CA8: variants seen among roughly 807,000 people sequenced by gnomAD.
The protein encoded by CA8 is carbonic anhydrase 8 (inactive).
Under a neutral mutation model 41.4 loss-of-function variants are expected in CA8, and 22 were observed. The ratio of observed to expected loss-of-function variants is 0.53; its 90% CI spans 0.38 to 0.76. CA8 has a LOEUF of 0.76. Ranked by LOEUF, CA8 falls within the 30% of genes least tolerant of loss-of-function variation. The probability of loss-of-function intolerance (pLI) is 0.00; values close to 1 mark genes in which losing one functional copy is unlikely to be tolerated. For missense variants in CA8, 270 were observed against 352.8 expected (o/e 0.77, Z 1.88); for synonymous variants, 121 against 130.6 (o/e 0.93, Z 0.50).
intron 3 of CA8, among the ~76,000 whole-genome samples, chr8:60,237,587 G>C (rs1807877553): frequency 2.0e-5 from 3 of 152,228 alleles, no homozygotes; most frequent in Admixed American, 2.0e-4. Flanking sequence ...AGGCCTTCAA[G>C]AGCCTGGACC....
At chr8:60,278,635 C>T (rs1452135208) in intron 2 of CA8, among the ~76,000 whole-genome samples, 3 of 152,114 alleles carry the variant, frequency 2.0e-5, no homozygotes, top group Non-Finnish European at 1.5e-5. Flanking sequence ...ATATAAAGCC[C>T]AGTAACTCTT....
chr8:60,268,921 T>C (rs897142761), intron 2 of CA8, among the ~76,000 whole-genome samples: 9 of 152,132 alleles, frequency 5.9e-5, no homozygotes, highest in African/African-American at 2.2e-4. Flanking sequence ...AGAAGGGAAG[T>C]GTTTTGCCCC....
rs1433786872 is a variant in CA8, at chr8:60,224,579, A to T, written c.583T>A (p.Ser195Thr). The T allele has an allele frequency of 1.3e-6, 2 of 1,565,986 alleles. No individual in the cohort carries two copies. The highest frequency in any genetic ancestry group is 1.8e-6 in the Non-Finnish European group (2 of 1,137,630). ...ILQDIQYKGKSKTIPCFNPNT... is the reference protein window; with the variant it reads ...ILQDIQYKGKTKTIPCFNPNT... ...GGATTAAAGCAAGGTATTGTTTTGG[A>T]CTTCCCCTGAAAAAGAAAAAAATAT... The change falls in exon 6 of 9, where the codon TCC (serine) becomes ACC (threonine). Residue 195 changes from serine to threonine, a missense_variant. Physicochemically the swap from Ser to Thr is moderately conservative, Grantham distance 58. This residue lies in a region of CA8 where 141 missense variants were observed against 191.6 expected (regional missense o/e 0.74). Coordinates refer to ENST00000317995, the MANE Select transcript of CA8 (RefSeq NM_004056.6).
At chr8:60,250,486 T>C (rs1808404604) in intron 3 of CA8, among the ~76,000 whole-genome samples, 1 of 152,172 alleles carries the variant, frequency 6.6e-6, no homozygotes, top group African/African-American at 2.4e-5. Context: ...CGGTAAGCTC[T>C]CCACATTCTT....
chr8:60,265,377 A>C (rs1374374386), intron 3 of CA8: 1 of 159,218 alleles, frequency 6.3e-6, no homozygotes, highest in East Asian at 1.9e-4. Flanking sequence ...CAGAAGACAT[A>C]AGATTTCAAC....
At position 60,187,346 on chromosome 8, in the gene CA8, A is replaced by G. The variant is rs1172162519; in HGVS notation, c.*2675T>C. ...TAAAGCAATGCTCAGAGGAAAATTTATAACTGTTAATGCCTTTATTCAAAA... is the reference window on the plus strand; with the variant it reads ...TAAAGCAATGCTCAGAGGAAAATTTGTAACTGTTAATGCCTTTATTCAAAA... On this transcript the variant is annotated 3_prime_UTR_variant, in exon 9 of 9. Transcript: ENST00000317995. 4 of 152,168 alleles carry G rather than the reference A, an allele frequency of 2.6e-5. No homozygotes were observed. The highest frequency in any genetic ancestry group is 2.9e-5 in the Non-Finnish European group (2 of 67,994). The allele number at this position is 152,168 out of a possible 1,614,324, so 9.4% of individuals were successfully genotyped here.
intron 7 of CA8, among the ~76,000 whole-genome samples, chr8:60,216,726 C>T (rs1807035336): frequency 6.6e-6 from 1 of 152,162 alleles, no homozygotes; most frequent in Non-Finnish European, 1.5e-5. Context: ...AATATTGTAT[C>T]ATATCTACAG....
intron 3 of CA8, among the ~76,000 whole-genome samples, chr8:60,258,114 A>T (rs539068035): frequency 6.6e-6 from 1 of 152,306 alleles, no homozygotes; most frequent in Non-Finnish European, 1.5e-5. Context: ...TCCACACTGT[A>T]CACGCTCCCT....
At position 60,243,005 on chromosome 8, in the gene CA8, G is replaced by A. The variant is rs187959849; in HGVS notation, c.418-10626C>T. 1.4e-4 allele frequency among the ~76,000 whole-genome samples: 22 copies of A among 152,272 alleles called. No individual in the cohort carries two copies. In the East Asian group the frequency reaches 3.9e-3, roughly 27 times the overall value. ...TAGAAAGCCAGATCACCGCCATAGA[G>A]CCCCAATGTCAAATGTCTCCAGAAG... On this transcript the variant is annotated intron_variant, in intron 3 of 8. Coordinates refer to ENST00000317995, the MANE Select transcript of CA8 (RefSeq NM_004056.6).
intron 2 of CA8, among the ~76,000 whole-genome samples, chr8:60,272,089 A>G (rs954993627): frequency 1.3e-5 from 2 of 152,174 alleles, no homozygotes; most frequent in Non-Finnish European, 2.9e-5. Context: ...ATTTGCCCAG[A>G]GCAGAGGTAG....
At chr8:60,270,409 C>T (rs117385777) in intron 2 of CA8, among the ~76,000 whole-genome samples, 194 of 152,274 alleles carry the variant, frequency 1.3e-3, no homozygotes, top group Non-Finnish European at 2.2e-3. Context: ...TACTTACCTA[C>T]TTATTTATTT....
At chr8:60,203,324 A>G (rs1806487047) in intron 8 of CA8, among the ~76,000 whole-genome samples, 1 of 152,204 alleles carries the variant, frequency 6.6e-6, no homozygotes, top group Non-Finnish European at 1.5e-5. Context: ...GTAAAATTTT[A>G]TTGAAAGAAA....
chr8:60,194,378 G>A (rs1439876875), intron 8 of CA8, among the ~76,000 whole-genome samples: 2 of 152,118 alleles, frequency 1.3e-5, no homozygotes, highest in Non-Finnish European at 2.9e-5. Context: ...GGATAAGCCC[G>A]TTGGTCCACT....
rs377344090 is a variant in CA8, at chr8:60,214,808, T to C, written c.739-5889A>G. On this transcript the variant is annotated intron_variant, in intron 7 of 8. Coordinates refer to ENST00000317995, the MANE Select transcript of CA8 (RefSeq NM_004056.6). ...GGAGGAAAGACAGAAGAAAAGAACA[T>C]TTAAAGCAGTTTTCAATATTCTAGA... Among the ~76,000 whole-genome samples the C allele has an allele frequency of 9.2e-5, 14 of 152,242 alleles. No individual in the cohort carries two copies. The East Asian group carries it at 1.3e-3, about 15-fold the overall frequency.
chr8:60,250,563 T>G (rs1808407258), intron 3 of CA8, among the ~76,000 whole-genome samples: 1 of 152,216 alleles, frequency 6.6e-6, no homozygotes, highest in Admixed American at 6.5e-5. Flanking sequence ...CCATTTCACG[T>G]CATCTGAATG....
chr8:60,276,755 A>C (rs1804249582), intron 2 of CA8, among the ~76,000 whole-genome samples: 1 of 152,234 alleles, frequency 6.6e-6, no homozygotes, highest in African/African-American at 2.4e-5. Flanking sequence ...AAATGTATAC[A>C]GATTTTTAAA....
chr8:60,216,924 C>T (rs1016473221), intron 7 of CA8, among the ~76,000 whole-genome samples: 9 of 152,118 alleles, frequency 5.9e-5, no homozygotes, highest in African/African-American at 2.2e-4. Context: ...ATTCTTGTTG[C>T]CCAGGCTGGA....
intron 3 of CA8, among the ~76,000 whole-genome samples, chr8:60,250,515 TA>T (rs1808405485): frequency 6.6e-6 from 1 of 152,198 alleles, no homozygotes; most frequent in South Asian, 2.1e-4. Context: ...ACACTGGTTC[TA>T]ACACCCGTTC....
intron 2 of CA8, among the ~76,000 whole-genome samples, chr8:60,271,707 C>A (rs1235964863): frequency 6.6e-6 from 1 of 152,212 alleles, no homozygotes; most frequent in Non-Finnish European, 1.5e-5. Context: ...AATGTCATTA[C>A]CCTTAAGACA....
Sources: allele counts gnomAD v4.1 joint callset (sites outside exome capture counted in the v4.1 genomes callset), GRCh38; gene constraint gnomAD v4.1.1; regional missense constraint gnomAD v4.1.1; transcripts MANE v1.5; gene names NCBI Gene and HGNC (gene_info 2026-07-23, HGNC 2026-07-21).